Variants in TUBB8B observed in about 807,000 individuals in gnomAD.
TUBB8B encodes HSA18p11 beta-tubulin 4Q pseudogene.
In TUBB8B, 26 loss-of-function variants were observed where a neutral mutation model predicts 31.9. That is an observed-to-expected ratio of 0.81 (90% confidence interval 0.60 to 1.13). The LOEUF (loss-of-function observed/expected upper bound fraction) is 1.13, where lower values mean the gene tolerates loss of function less well. TUBB8B is among the 50% of genes most tolerant of loss of function. The pLI is 0.00. For synonymous variants in TUBB8B, 173 were observed against 231.0 expected, an observed-to-expected ratio of 0.75 and a Z score of 2.28; for missense variants, 467 against 586.7, an observed-to-expected ratio of 0.80 and a Z score of 2.11.
upstream of TUBB8B, among the ~76,000 whole-genome samples, chr18:53,935 T>C (rs55685325): frequency 0.25 from 37,897 of 150,530 alleles, 5,488 homozygotes; most frequent in East Asian, 0.51. Context: ...AGGCCATACC[T>C]CTTAGTTTCA....
Position 48,256 on chromosome 18 carries a change from C to T in TUBB8B, c.469G>A (p.Glu157Lys). 3.7e-6 allele frequency: 6 copies of T among 1,612,910 alleles called. No individual in the cohort carries two copies. The highest frequency in any genetic ancestry group is 2.2e-5 in the East Asian group (1 of 44,864). Reference protein sequence around the residue: ...MGTLLISKIREEYPDRIINTF... With the variant: ...MGTLLISKIRKEYPDRIINTF... Reference sequence around the variant, plus strand: ...TTTATGATCCTGTCTGGGTACTCCTCCCGGATCTTACTAATGAGAAGGGTA... The same window carrying T: ...TTTATGATCCTGTCTGGGTACTCCTTCCGGATCTTACTAATGAGAAGGGTA... Residue 157 changes from glutamate (E) to lysine (K), a missense_variant, in exon 4 of 4, where the codon GAG becomes AAG. Transcript: ENST00000308911.
At chr18:72,078 C>T in the TUBB8B span, among the ~76,000 whole-genome samples, 75 of 149,008 alleles carry the variant, frequency 5.0e-4, no homozygotes, top group African/African-American at 1.8e-3. Flanking sequence ...CTTGGGGAGG[C>T]TGAGACAGAG....
upstream of TUBB8B, among the ~76,000 whole-genome samples, chr18:51,524 C>T (rs1600580324): frequency 6.6e-6 from 1 of 152,008 alleles, no homozygotes; most frequent in Non-Finnish European, 1.5e-5. Context: ...ACTGCAACCT[C>T]TGATTCCCGG....
At chr18:72,196 A>AAC in the TUBB8B span, among the ~76,000 whole-genome samples, 90 of 84,542 alleles carry the variant, frequency 1.1e-3, 11 homozygotes, top group South Asian at 0.038. Context: ...AAAAAAAAAA[A>AAC]AAAGGAAAAA....
upstream of TUBB8B, chr18:49,840 A>G (rs932598109): frequency 1.4e-5 from 8 of 581,506 alleles, no homozygotes; most frequent in East Asian, 2.2e-4. Context: ...CGTCTTTAGT[A>G]AGACTAGATC....
the TUBB8B span, among the ~76,000 whole-genome samples, chr18:71,195 C>T: frequency 6.6e-6 from 1 of 151,090 alleles, no homozygotes; most frequent in Non-Finnish European, 1.5e-5. Context: ...CACACCACTG[C>T]ACTCCAGCCT....
At chr18:63,058 A>G in the TUBB8B span, among the ~76,000 whole-genome samples, 1 of 151,808 alleles carries the variant, frequency 6.6e-6, no homozygotes, top group Non-Finnish European at 1.5e-5. Context: ...ATTTCTTTGA[A>G]TTACCTCAAC....
Position 47,445 on chromosome 18 carries a change from T to C in TUBB8B, c.1280A>G (p.Asp427Gly), listed in dbSNP as rs753059118. 3 of 1,418,056 alleles carry C rather than the reference T, an allele frequency of 2.1e-6. No homozygotes were observed. The highest frequency in any genetic ancestry group is 3.0e-6 in the Non-Finnish European group (3 of 1,009,458). The allele number at this position is 1,418,056 out of a possible 1,614,324, so 87.8% of individuals were successfully genotyped here. A position where few individuals can be genotyped will look rare whatever the true frequency, so the allele number is the denominator to read the frequency against. ...ATCCTCCTCCTCCTCGGCCGTGGCA[T>C]CCTGATATTGCTGATATTCAGACAC... ...DLVSEYQQYQ[D>G]ATAEEEEDEE... Residue 427 changes from aspartate (D) to glycine (G), a missense_variant, in exon 4 of 4, where the codon GAT becomes GGT. Coordinates refer to ENST00000308911, the MANE Select transcript of TUBB8B (RefSeq NM_001358689.2).
intron 1 of TUBB8B, 96 bp from the exon 2 acceptor site, chr18:49,333 G>A (rs551431558): frequency 3.3e-5 from 27 of 817,240 alleles, no homozygotes; most frequent in Middle Eastern, 4.1e-4. Flanking sequence ...TCCCTAGGCC[G>A]CCCTGTCCCT....
the TUBB8B span, among the ~76,000 whole-genome samples, chr18:69,610 T>C: frequency 0.14 from 16,407 of 114,772 alleles, no homozygotes; most frequent in African/African-American, 0.27. Flanking sequence ...GTCAAGAAAC[T>C]CTGGTCAGTA....
chr18:72,800 T>A, the TUBB8B span, among the ~76,000 whole-genome samples: 1 of 152,036 alleles, frequency 6.6e-6, no homozygotes, highest in Non-Finnish European at 1.5e-5. Context: ...AAACCCCGTC[T>A]CTACTAAAAA....
chr18:53,732 T>C (rs990143262), upstream of TUBB8B, among the ~76,000 whole-genome samples: 1 of 151,868 alleles, frequency 6.6e-6, no homozygotes, highest in African/African-American at 2.4e-5. Flanking sequence ...GCCTCCCAAA[T>C]TGTTGGGATT....
the TUBB8B span, among the ~76,000 whole-genome samples, chr18:59,593 G>A: frequency 6.8e-6 from 1 of 147,616 alleles, no homozygotes; most frequent in African/African-American, 2.5e-5. Flanking sequence ...ACCCAGGCTG[G>A]AGTGCAATGG....
At position 49,343 on chromosome 18, in the gene TUBB8B, T is replaced by C. The variant is rs1402954780; in HGVS notation, c.58-106A>G. The C allele has an allele frequency of 4.2e-6, 3 of 709,816 alleles. No individual in the cohort carries two copies. The African/African-American group carries it at 7.7e-5, about 18-fold the overall frequency. The allele number at this position is 709,816 out of a possible 1,614,324, so 44.0% of individuals were successfully genotyped here. On this transcript the variant is annotated intron_variant, in intron 1 of 3. Transcript: ENST00000308911. ...CCCCATCCCTAGGCCGCCCTGTCCC[T>C]GGGGTCCACCCCAGCCGCCTCGCCA...
chr18:64,402 A>T, the TUBB8B span, among the ~76,000 whole-genome samples: 2 of 152,170 alleles, frequency 1.3e-5, no homozygotes, highest in African/African-American at 4.8e-5. Context: ...AGGAAGTGCT[A>T]ATTAAAAGAA....
chr18:56,955 C>G, the TUBB8B span, among the ~76,000 whole-genome samples: 1 of 151,822 alleles, frequency 6.6e-6, no homozygotes, highest in African/African-American at 2.4e-5. Context: ...AGATAACCAG[C>G]TCTCATGAAA....
Position 48,903 on chromosome 18 carries a change from C to T in TUBB8B, c.277+37G>A, listed in dbSNP as rs749668712. On this transcript the variant is annotated intron_variant, in intron 3 of 3. Transcript: ENST00000308911. ...ACTCCTGGATTTTGAGCTGCCCTGG[C>T]TAAGGAGCCGCACCCCAGTCCTCGC... is the stretch of plus-strand genomic sequence containing the variant. 2.7e-5 allele frequency: 39 copies of T among 1,419,006 alleles called. 1 individual carries two copies. Among genetic ancestry groups the T allele is most frequent in the Admixed American group, 1.8e-4 (11 of 59,614 alleles). The allele number at this position is 1,419,006 out of a possible 1,614,324, so 87.9% of individuals were successfully genotyped here.
At chr18:55,957 T>C in the TUBB8B span, among the ~76,000 whole-genome samples, 1 of 151,826 alleles carries the variant, frequency 6.6e-6, no homozygotes, top group Admixed American at 6.6e-5. Flanking sequence ...AAAATTTTGA[T>C]AGTTTGAGGT....
the TUBB8B span, among the ~76,000 whole-genome samples, chr18:63,569 G>T: frequency 6.6e-6 from 1 of 151,196 alleles, no homozygotes; most frequent in Non-Finnish European, 1.5e-5. Flanking sequence ...TCTCACCCAA[G>T]GCCCACTGTA....
Sources: allele counts gnomAD v4.1 joint callset (sites outside exome capture counted in the v4.1 genomes callset), GRCh38; gene constraint gnomAD v4.1.1; transcripts MANE v1.5; gene names NCBI Gene and HGNC (gene_info 2026-07-23, HGNC 2026-07-21).